Variants in OR3A2 observed in about 807,000 individuals in gnomAD.
OR3A2 encodes the protein olfactory receptor family 3 subfamily A member 2.
For synonymous variants in OR3A2, 126 were observed against 159.3 expected (o/e 0.79, Z 1.57); for missense variants, 318 against 392.8 (o/e 0.81, Z 1.61).
At chr17:3,384,074 T>C (rs574367775) in intron 1 of OR3A2, among the ~76,000 whole-genome samples, 1 of 152,260 alleles carries the variant, frequency 6.6e-6, no homozygotes, top group African/African-American at 2.4e-5. Context: ...GACAGTGAGA[T>C]GTAGCTCCTT....
chr17:3,352,407 A>T (rs1415851055), intron 2 of OR3A2, among the ~76,000 whole-genome samples: 1 of 151,840 alleles, frequency 6.6e-6, no homozygotes, highest in Admixed American at 6.6e-5. Context: ...TAAGTCTTTA[A>T]TCCATTTTGA....
chr17:3,351,265 T>C (rs1214720117), intron 2 of OR3A2, among the ~76,000 whole-genome samples: 3 of 97,234 alleles, frequency 3.1e-5, no homozygotes, highest in African/African-American at 7.1e-5. Flanking sequence ...GACAACATCA[T>C]TGTATATCTA....
intron 2 of OR3A2, among the ~76,000 whole-genome samples, chr17:3,357,030 T>A (rs2049470187): frequency 6.6e-6 from 1 of 151,782 alleles, no homozygotes; most frequent in Non-Finnish European, 1.5e-5. Context: ...AATTAATCCC[T>A]ATTTGAACAT....
intron 2 of OR3A2, among the ~76,000 whole-genome samples, chr17:3,368,109 A>C (rs901497958): frequency 6.6e-6 from 1 of 151,928 alleles, no homozygotes; most frequent in African/African-American, 2.4e-5. Flanking sequence ...GATTTGTTTG[A>C]GTTCCTTATA....
chr17:3,377,414 T>C lies in OR3A2; in HGVS notation c.-179+6390A>G, dbSNP rs1446301870. The C allele has an allele frequency of 4.6e-5, 7 of 152,350 alleles. No individual in the cohort carries two copies. In the East Asian group the frequency reaches 1.2e-3, roughly 25 times the overall value. 9.4% of individuals were successfully genotyped at this position (152,350 alleles called of 1,614,324 possible). A position where few individuals can be genotyped will look rare whatever the true frequency, so the allele number is the denominator to read the frequency against. On this transcript the variant is annotated intron_variant, in intron 2 of 4. Coordinates refer to the OR3A2 transcript ENST00000573491. ...AGGGTAGCTGCTATCATTATTATTG[T>C]TGCTTATTTTATTAGCTTTATTCTC...
intron 2 of OR3A2, among the ~76,000 whole-genome samples, chr17:3,380,885 G>A (rs887164587): frequency 2.0e-5 from 3 of 152,208 alleles, no homozygotes; most frequent in African/African-American, 7.2e-5. Flanking sequence ...AGAGCGAGAG[G>A]AAGGAGGGAA....
intron 2 of OR3A2, among the ~76,000 whole-genome samples, chr17:3,348,043 C>A (rs535721075): frequency 1.2e-4 from 18 of 152,220 alleles, no homozygotes; most frequent in African/African-American, 4.1e-4. Flanking sequence ...TAAATGTCTT[C>A]TTTTGAGAAG....
At chr17:3,284,555 GGAGA>G (rs1039971493), upstream of OR3A2, 1 of 149,456 alleles carries the variant, frequency 6.7e-6, no homozygotes, top group Non-Finnish European at 1.5e-5. Context: ...GGCTCTCCTA[GGAGA>G]GAGAAGGATG....
At chr17:3,314,187 G>A (rs2049063368) in intron 3 of OR3A2, among the ~76,000 whole-genome samples, 2 of 152,082 alleles carry the variant, frequency 1.3e-5, no homozygotes, top group African/African-American at 2.4e-5. Flanking sequence ...TATAAACAGA[G>A]CATTTAATTA....
intron 2 of OR3A2, among the ~76,000 whole-genome samples, chr17:3,380,260 G>A (rs142549464): frequency 1.8e-4 from 28 of 152,298 alleles, no homozygotes; most frequent in Admixed American, 3.3e-4. Context: ...TAAATCAAGC[G>A]TCTGAGGGAG....
At chr17:3,332,368 G>A (rs893192429) in intron 3 of OR3A2, among the ~76,000 whole-genome samples, 8 of 152,164 alleles carry the variant, frequency 5.3e-5, no homozygotes, top group South Asian at 2.1e-4. Context: ...GCGAGACTCC[G>A]TGGGCGTAGG....
intron 3 of OR3A2, among the ~76,000 whole-genome samples, chr17:3,335,388 C>T (rs912610846): frequency 2.6e-5 from 4 of 152,168 alleles, no homozygotes; most frequent in South Asian, 2.1e-4. Flanking sequence ...TCTTTTGATA[C>T]ATTTTATAAA....
intron 3 of OR3A2, among the ~76,000 whole-genome samples, chr17:3,297,525 C>T (rs757389751): frequency 1.4e-5 from 2 of 147,904 alleles, no homozygotes; most frequent in Non-Finnish European, 2.9e-5. Context: ...CTGGTCCTGC[C>T]CCATCTCATA....
intron 2 of OR3A2, among the ~76,000 whole-genome samples, chr17:3,353,597 T>G (rs2049438785): frequency 2.6e-5 from 4 of 151,930 alleles, no homozygotes; most frequent in Non-Finnish European, 5.9e-5. Context: ...TTTTATCAAA[T>G]GATTTTTCAG....
intron 3 of OR3A2, among the ~76,000 whole-genome samples, chr17:3,318,852 G>A (rs967098591): frequency 6.6e-6 from 1 of 152,104 alleles, no homozygotes; most frequent in Admixed American, 6.6e-5. Flanking sequence ...GTGCGAGAGG[G>A]CCACTTTCCT....
At chr17:3,329,497 G>A (rs1176937161) in intron 3 of OR3A2, among the ~76,000 whole-genome samples, 4 of 135,128 alleles carry the variant, frequency 3.0e-5, no homozygotes, top group Admixed American at 1.6e-4. Flanking sequence ...GTTTATTTGT[G>A]TAGAGGTGTT....
At chr17:3,332,379 A>G (rs1191189478) in intron 3 of OR3A2, among the ~76,000 whole-genome samples, 3 of 152,022 alleles carry the variant, frequency 2.0e-5, no homozygotes, top group African/African-American at 7.3e-5. Context: ...TGGGCGTAGG[A>G]CCCTCCGAGC....
chr17:3,371,996 T>C (rs1169250761), intron 2 of OR3A2, among the ~76,000 whole-genome samples: 2 of 90,074 alleles, frequency 2.2e-5, no homozygotes, highest in African/African-American at 5.0e-5. Flanking sequence ...ACGGGGTGGC[T>C]GCCGGGCAGA....
Position 3,374,287 on chromosome 17 carries a change from T to C in OR3A2, c.-179+9517A>G, listed in dbSNP as rs370046104. 3.9e-5 allele frequency among the ~76,000 whole-genome samples: 6 copies of C among 152,326 alleles called. No homozygotes were observed. In the East Asian group the frequency reaches 1.2e-3, roughly 29 times the overall value. On this transcript the variant is annotated intron_variant, in intron 2 of 4. Transcript: ENST00000573491. ...TGACTATCTGCCCAGGTGATGATCTTTTCGCAATGAATTTCCAGGGTGTTC... is the reference window on the plus strand; with the variant it reads ...TGACTATCTGCCCAGGTGATGATCTCTTCGCAATGAATTTCCAGGGTGTTC...
Sources: gnomAD v4.1 joint callset for allele counts (sites outside exome capture counted in the v4.1 genomes callset) on GRCh38, gnomAD v4.1.1 for gene constraint, MANE v1.5 for transcripts, NCBI Gene and HGNC (gene_info 2026-07-23, HGNC 2026-07-21) for gene names.